ZNF462: variants seen among roughly 807,000 people sequenced by gnomAD.
The protein encoded by ZNF462 is zinc finger protein 462.
A neutral mutation model predicts 201.9 loss-of-function variants in ZNF462; 10 were observed. The ratio of observed to expected loss-of-function variants is 0.05; its 90% CI spans 0.03 to 0.08. ZNF462 has a LOEUF of 0.08. ZNF462 is among the 10% of genes least tolerant of loss of function. ZNF462 has a pLI of 1.00. For missense variants in ZNF462, 2,523 were observed against 3,168.3 expected (o/e 0.80, Z 4.89); for synonymous variants, 1,227 against 1,193.3 (o/e 1.03, Z -0.58).
rs928051955 is a variant in ZNF462 at position 106,966,957 on chromosome 9, A to G, written c.6428-5048A>G. 6.6e-6 allele frequency among the ~76,000 whole-genome samples: 1 copy of G among 152,222 alleles called. No individual in the cohort carries two copies. Among genetic ancestry groups the G allele is most frequent in the Middle Eastern group, 3.4e-3 (1 of 294 alleles). ...TATTCTCTATGCAGGGCTGCAGAAA[A>G]TTGAGAATTGATCCTCTGGTATAGC... On this transcript the variant is annotated intron_variant, in intron 7 of 12. Coordinates refer to ENST00000277225, the MANE Select transcript of ZNF462 (RefSeq NM_021224.6). This position sits in a 1 kb window ranked among gnomAD's most constrained non-coding sequence, Gnocchi z 4.4.
chr9:106,930,440 A>C lies in ZNF462; in HGVS notation c.5848-85A>C. 1.3e-6 allele frequency: 2 copies of C among 1,533,082 alleles called. No individual in the cohort carries two copies. The highest frequency in any genetic ancestry group is 1.8e-6 in the Non-Finnish European group (2 of 1,129,652). The allele number at this position is 1,533,082 out of a possible 1,614,324, so 95.0% of individuals were successfully genotyped here. A position where few individuals can be genotyped will look rare whatever the true frequency, so the allele number is the denominator to read the frequency against. On this transcript the variant is annotated intron_variant, in intron 3 of 12. Coordinates refer to ENST00000277225, the MANE Select transcript of ZNF462 (RefSeq NM_021224.6). This position sits in a 1 kb window ranked among gnomAD's most constrained non-coding sequence, Gnocchi z 5.8. ...TTAACCTGCTAATCGGCTTTAAAAT[A>C]AAGTATGTTAGTAAACTGCAAGAAT...
At chr9:106,862,524 C>A (rs1827100258), upstream of ZNF462, among the ~76,000 whole-genome samples, 1 of 152,096 alleles carries the variant, frequency 6.6e-6, no homozygotes, top group Non-Finnish European at 1.5e-5. This position sits in a 1 kb window ranked among gnomAD's most constrained non-coding sequence, Gnocchi z 4.2. Context: ...TCTCCCTCTT[C>A]CCCTTCTCCT....
At chr9:106,891,965 G>T (rs1416546457) in intron 1 of ZNF462, among the ~76,000 whole-genome samples, 1 of 152,172 alleles carries the variant, frequency 6.6e-6, no homozygotes, top group Non-Finnish European at 1.5e-5. Context: ...GAGGATTGGG[G>T]TTCTTAGGTT....
rs546907246 is a variant in ZNF462 at position 106,867,272 on chromosome 9, A to C, written c.-31+3917A>C. Among the ~76,000 whole-genome samples, 6 of 152,350 alleles carry C rather than the reference A, an allele frequency of 3.9e-5. No homozygotes were observed. The South Asian group carries it at 1.2e-3, about 32-fold the overall frequency. On this transcript the variant is annotated intron_variant, in intron 1 of 12. Coordinates refer to ENST00000277225, the MANE Select transcript of ZNF462 (RefSeq NM_021224.6). ...TTGAATAAACCACCATGAGAGAAAT[A>C]AAAAGTATTAAATCAGACATTTTCA...
chr9:107,012,711 G>GTTTTTTT lies in ZNF462; in HGVS notation c.*1694_*1700dup, dbSNP rs57114077. ...CACGTGTGAATCCTTTGGTTTTCAT[G>GTTTTTTT]TTTTTTTTTTTTTTTTTTTACTTGG... On this transcript the variant is annotated 3_prime_UTR_variant, in exon 13 of 13. Transcript: ENST00000277225. The GTTTTTTT allele has an allele frequency of 1.4e-5, 1 of 70,276 alleles. No homozygotes were observed. Among genetic ancestry groups the GTTTTTTT allele is most frequent in the Non-Finnish European group, 3.0e-5 (1 of 33,068 alleles). The allele number at this position is 70,276 out of a possible 1,614,324, so 4.4% of individuals were successfully genotyped here. A position where few individuals can be genotyped will look rare whatever the true frequency, so the allele number is the denominator to read the frequency against.
At chr9:106,908,910 CATATAT>C (rs1192231869) in intron 1 of ZNF462, among the ~76,000 whole-genome samples, 1,627 of 43,928 alleles carry the variant, frequency 0.037, 53 homozygotes, top group South Asian at 0.082. Flanking sequence ...CCCATATATA[CATATAT>C]ATATATATAT....
chr9:106,915,542 A>G (rs1008121602), intron 1 of ZNF462, among the ~76,000 whole-genome samples: 2 of 152,218 alleles, frequency 1.3e-5, no homozygotes, highest in Non-Finnish European at 2.9e-5. Context: ...ATATAGAAAC[A>G]CATATGGATG....
chr9:106,927,236 C>T lies in ZNF462; in HGVS notation c.3324C>T (p.Asp1108=). The change falls in exon 3 of 13, where the codon GAC becomes GAT. Residue 1108 remains aspartate (D), a synonymous_variant. Coordinates refer to ENST00000277225, the MANE Select transcript of ZNF462 (RefSeq NM_021224.6). ...CCCCCCCACAACCCCCGCCACCAGA[C>T]CTCAGTACTGAGCTTTACTACTGCA... ...SPPPPQPPPP[D]LSTELYYCKH... is the part of the protein sequence containing the mutation. 1 of 1,602,656 alleles carries T rather than the reference C, an allele frequency of 6.2e-7. No homozygotes were observed. The highest frequency in any genetic ancestry group is 8.5e-7 in the Non-Finnish European group (1 of 1,176,704).
Position 106,996,499 on chromosome 9 carries a change from C to T in ZNF462, c.7057-6795C>T, listed in dbSNP as rs1241716789. Among the ~76,000 whole-genome samples the T allele has an allele frequency of 2.3e-4, 35 of 151,074 alleles. No homozygotes were observed. In the East Asian group the frequency reaches 2.9e-3, roughly 13 times the overall value. The stretch of plus-strand genomic sequence containing the variant: ...TGTTGTTTCCTGACTTTTTAATGAT[C>T]GCCATTCTAACTGGTGTGAGATGGT... On this transcript the variant is annotated intron_variant, in intron 10 of 12. Transcript: ENST00000277225.
At chr9:106,904,925 G>C (rs1829205335) in intron 1 of ZNF462, among the ~76,000 whole-genome samples, 1 of 152,022 alleles carries the variant, frequency 6.6e-6, no homozygotes, top group Non-Finnish European at 1.5e-5. Context: ...GATAAATCAG[G>C]GATTTCTTCT....
At chr9:106,918,600 A>G (rs929613366) in intron 1 of ZNF462, among the ~76,000 whole-genome samples, 1 of 152,210 alleles carries the variant, frequency 6.6e-6, no homozygotes, top group Non-Finnish European at 1.5e-5. Context: ...CCCAACATTT[A>G]TAAGTTTACT....
intron 10 of ZNF462, among the ~76,000 whole-genome samples, chr9:106,995,095 G>A (rs1019150236): frequency 1.3e-5 from 2 of 152,134 alleles, no homozygotes; most frequent in Non-Finnish European, 2.9e-5. Flanking sequence ...GAGATTGACA[G>A]CTGCTTAACT....
Position 106,870,784 on chromosome 9 carries a change from A to C in ZNF462, c.-31+7429A>C, listed in dbSNP as rs1827554030. Among the ~76,000 whole-genome samples, 1 of 152,192 alleles carries C rather than the reference A, an allele frequency of 6.6e-6. No individual in the cohort carries two copies. Among genetic ancestry groups the C allele is most frequent in the South Asian group, 2.1e-4 (1 of 4,830 alleles). On this transcript the variant is annotated intron_variant, in intron 1 of 12. Transcript: ENST00000277225. This position sits in a 1 kb window ranked among gnomAD's most constrained non-coding sequence, Gnocchi z 4.3. ...AACTGTGTCAGAAGTAATAAAGCCC[A>C]GGATTTGTGGAGAGAGCTTAGCCGC...
rs762153588 is a variant in ZNF462, at chr9:106,928,047, G to C, written c.4135G>C (p.Val1379Leu). Residue 1379 changes from valine (V) to leucine (L), a missense_variant, in exon 3 of 13, where the codon GTT becomes CTT. By Grantham distance (32) the Val-to-Leu change is conservative. This residue lies in a region of ZNF462 where 165 missense variants were observed against 142.6 expected (regional missense o/e 1.16). Transcript: ENST00000277225. The surrounding 1 kb of genome is among the most constrained non-coding windows in gnomAD (Gnocchi z 9.3). ...ATGCAGGGACTGTGTTTTCGAAGCT[G>C]TTTCCATCTGGGACATCACTAATCA... is the stretch of plus-strand genomic sequence containing the variant. ...YRCRDCVFEA[V>L]SIWDITNHYQ... is the part of the protein sequence containing the mutation. The C allele has an allele frequency of 6.2e-7, 1 of 1,614,168 alleles. No individual in the cohort carries two copies. The highest frequency in any genetic ancestry group is 1.1e-5 in the South Asian group (1 of 91,086).
chr9:106,958,363 G>T (rs1831674479), intron 7 of ZNF462, among the ~76,000 whole-genome samples: 1 of 151,980 alleles, frequency 6.6e-6, no homozygotes, highest in African/African-American at 2.4e-5. Context: ...CTGTTCATTG[G>T]GCCCTGCATT....
At chr9:106,948,511 C>T (rs538568087) in intron 7 of ZNF462, among the ~76,000 whole-genome samples, 9 of 152,240 alleles carry the variant, frequency 5.9e-5, no homozygotes, top group Non-Finnish European at 1.0e-4. Context: ...TCGTGACTAA[C>T]GAACAGCTTT....
At chr9:106,990,347 A>T (rs1828170496) in intron 10 of ZNF462, among the ~76,000 whole-genome samples, 1 of 151,934 alleles carries the variant, frequency 6.6e-6, no homozygotes, top group Admixed American at 6.6e-5. Flanking sequence ...GTCATAGTCT[A>T]CCTTGGAGAA....
chr9:106,863,488 T>G, intron 1 of ZNF462, 133 bp downstream of exon 1: 1 of 301,580 alleles, frequency 3.3e-6, no homozygotes, highest in Non-Finnish European at 5.9e-6. Flanking sequence ...GGAGAGGAAG[T>G]CCCCTGCATG....
chr9:106,931,177 A>G (rs2131536677), intron 4 of ZNF462: 1 of 154,056 alleles, frequency 6.5e-6, no homozygotes. Context: ...AGAGACATTA[A>G]AACTAAAAGC....
Sources: allele counts gnomAD v4.1 joint callset (sites outside exome capture counted in the v4.1 genomes callset), GRCh38; gene constraint gnomAD v4.1.1; regional missense constraint gnomAD v4.1.1; non-coding constraint Gnocchi (gnomAD v3.1); transcripts MANE v1.5; gene names NCBI Gene and HGNC (gene_info 2026-07-23, HGNC 2026-07-21).